ARHGAP32: variants seen among roughly 807,000 people sequenced by gnomAD.
ARHGAP32 encodes the protein rho GTPase-activating protein 32.
A neutral mutation model predicts 186.5 loss-of-function variants in ARHGAP32; 51 were observed. The observed-to-expected ratio is 0.27, with a 90% confidence interval of 0.22 to 0.35. The LOEUF (loss-of-function observed/expected upper bound fraction) is 0.35. Ranked by LOEUF, ARHGAP32 falls within the 10% of genes least tolerant of loss-of-function variation. ARHGAP32 has a pLI of 1.00. For synonymous variants in ARHGAP32, 950 were observed against 964.3 expected (o/e 0.99, Z 0.27); for missense variants, 2,186 against 2,623.5 (o/e 0.83, Z 3.64).
chr11:129,229,472 T>C (rs1332811306), intron 1 of ARHGAP32, among the ~76,000 whole-genome samples: 2 of 152,194 alleles, frequency 1.3e-5, no homozygotes, highest in Non-Finnish European at 2.9e-5. Context: ...ACTCGCTCAA[T>C]TATCAAATGC....
rs754604518 is a variant in ARHGAP32, at chr11:129,243,233, A to G, written c.-5+35913T>C. 9.2e-5 allele frequency among the ~76,000 whole-genome samples: 14 copies of G among 152,178 alleles called. 1 individual carries two copies. The highest frequency in any genetic ancestry group is 1.8e-4 in the Non-Finnish European group (12 of 68,034). On this transcript the variant is annotated intron_variant, in intron 1 of 6. Coordinates refer to the ARHGAP32 transcript ENST00000525234. Reference sequence around the variant, plus strand: ...CCAAGTCCCTCAGGTTTAAAACCCAAGAGCTAGTTTTAACTTCCACCTCTC... The same window carrying G: ...CCAAGTCCCTCAGGTTTAAAACCCAGGAGCTAGTTTTAACTTCCACCTCTC...
At chr11:128,975,427 TG>T (rs902294123) in intron 20 of ARHGAP32, among the ~76,000 whole-genome samples, 35 of 152,322 alleles carry the variant, frequency 2.3e-4, no homozygotes, top group African/African-American at 6.5e-4. Context: ...GCAAAATGGA[TG>T]TTTTTTTTGT....
At position 129,096,936 on chromosome 11, in the gene ARHGAP32, C is replaced by T. The variant is rs1004540082; in HGVS notation, c.445-3229G>A. Among the ~76,000 whole-genome samples the T allele has an allele frequency of 2.0e-5, 3 of 152,274 alleles. No homozygotes were observed. In the South Asian group the frequency reaches 6.2e-4, roughly 32 times the overall value. The stretch of plus-strand genomic sequence containing the variant: ...GACTGCACACTCTCAGAGAAAGGTA[C>T]AGACTTAGGAAAGACAAAAGAAGAC... On this transcript the variant is annotated intron_variant, in intron 5 of 22. Coordinates refer to ENST00000682385, the MANE Select transcript of ARHGAP32 (RefSeq NM_001378024.1).
In ARHGAP32 at chr11:128,969,701, C is replaced by G. The variant is rs374118812; in HGVS notation, c.5512G>C (p.Glu1838Gln). The change falls in exon 23 of 23, where the codon GAG (glutamate) becomes CAG (glutamine). Residue 1838 changes from glutamate (E) to glutamine (Q), a missense_variant. Around this residue, in one of 5 missense-constraint regions of ARHGAP32, gnomAD observed 1,502 missense variants for 1,570.0 expected, o/e 0.96. Transcript: ENST00000682385. The surrounding 1 kb of genome is among the most constrained non-coding windows in gnomAD (Gnocchi z 4.8). The part of the protein sequence containing the change: ...HAAKAISPEG[E>Q]DRFYRRHPEA... ...GGATGCCTCCTATAGAAGCGGTCCT[C>G]TCCCTCGGGACTGATGGCCTTGGCT... 1.2e-6 allele frequency: 2 copies of G among 1,614,070 alleles called. No individual in the cohort carries two copies. Among genetic ancestry groups the G allele is most frequent in the Non-Finnish European group, 1.7e-6 (2 of 1,180,036 alleles).
At chr11:129,164,269 T>TC in intron 2 of ARHGAP32, 50 bp downstream of exon 2, 2 of 1,099,004 alleles carry the variant, frequency 1.8e-6, no homozygotes, top group Non-Finnish European at 2.6e-6. Flanking sequence ...ATATAAGTGC[T>TC]ATATATACAT....
chr11:129,158,183 C>CAGGAT (rs1943453185), intron 2 of ARHGAP32, among the ~76,000 whole-genome samples: 1 of 152,028 alleles, frequency 6.6e-6, no homozygotes, highest in Non-Finnish European at 1.5e-5. Context: ...GGCAAAATAA[C>CAGGAT]CAGCTAGCAT....
At chr11:129,198,828 T>A (rs2135572026) in intron 1 of ARHGAP32, among the ~76,000 whole-genome samples, 1 of 152,148 alleles carries the variant, frequency 6.6e-6, no homozygotes, top group South Asian at 2.1e-4. Flanking sequence ...GCTGAAACAG[T>A]TTGGAGGACT....
At chr11:129,278,103 CA>C (rs1345471573) in intron 1 of ARHGAP32, among the ~76,000 whole-genome samples, 1 of 152,184 alleles carries the variant, frequency 6.6e-6, no homozygotes, top group Non-Finnish European at 1.5e-5. Flanking sequence ...ACAATGTTTA[CA>C]AAAGCAACCA....
intron 1 of ARHGAP32, among the ~76,000 whole-genome samples, chr11:129,198,136 T>C (rs1158165904): frequency 6.6e-6 from 1 of 152,222 alleles, no homozygotes; most frequent in East Asian, 1.9e-4. Flanking sequence ...GAGATCTAAC[T>C]TTCAACTGTT....
At chr11:128,981,749 G>T in intron 16 of ARHGAP32, 80 bp downstream of exon 16, 1 of 1,253,544 alleles carries the variant, frequency 8.0e-7, no homozygotes, top group Non-Finnish European at 1.1e-6. Context: ...TCTTTTAAAA[G>T]TTTCCTTAAA....
At chr11:129,134,753 G>T (rs1356652053) in intron 2 of ARHGAP32, among the ~76,000 whole-genome samples, 3 of 152,144 alleles carry the variant, frequency 2.0e-5, no homozygotes, top group Non-Finnish European at 4.4e-5. Context: ...ATTACATCAT[G>T]ATGGCTCTGC....
chr11:129,020,335 T>C (rs1938541563), intron 11 of ARHGAP32, among the ~76,000 whole-genome samples: 2 of 152,150 alleles, frequency 1.3e-5, no homozygotes. Context: ...GAATGCTTAG[T>C]AGTAATAAGG....
intron 10 of ARHGAP32, among the ~76,000 whole-genome samples, chr11:129,062,036 C>G (rs1370236057): frequency 6.6e-6 from 1 of 152,112 alleles, no homozygotes; most frequent in Non-Finnish European, 1.5e-5. Context: ...GCCATGAGGT[C>G]TGAGATGCTA....
At chr11:129,081,551 C>A (rs1202568092) in intron 6 of ARHGAP32, among the ~76,000 whole-genome samples, 4 of 151,910 alleles carry the variant, frequency 2.6e-5, no homozygotes, top group Non-Finnish European at 5.9e-5. Flanking sequence ...TTGACAAAAT[C>A]CAGCATTGCT....
intron 6 of ARHGAP32, among the ~76,000 whole-genome samples, chr11:129,086,655 A>G (rs1941409437): frequency 6.6e-6 from 1 of 152,062 alleles, no homozygotes. Context: ...CCCTGTCTCT[A>G]CTAAAAATAC....
At chr11:129,036,792 CCCT>C (rs1274969347) in intron 11 of ARHGAP32, among the ~76,000 whole-genome samples, 18 of 152,224 alleles carry the variant, frequency 1.2e-4, no homozygotes, top group African/African-American at 3.9e-4. Flanking sequence ...AGATGATTTC[CCCT>C]AAAATCAGGA....
intron 2 of ARHGAP32, among the ~76,000 whole-genome samples, chr11:129,142,320 G>C (rs753514415): frequency 3.9e-5 from 6 of 152,122 alleles, no homozygotes; most frequent in Non-Finnish European, 8.8e-5. Flanking sequence ...TCCTACAGTA[G>C]AGAACAGAGC....
At position 129,010,081 on chromosome 11, in the gene ARHGAP32, G is replaced by T. The variant is rs1459489332; in HGVS notation, c.1046-11613C>A. Reference sequence around the variant, plus strand: ...TCTCTAACGACCAGTGTTGTTTGTTGGCAGGATGAGTGTCTTCTTTTGAGA... The same window carrying T: ...TCTCTAACGACCAGTGTTGTTTGTTTGCAGGATGAGTGTCTTCTTTTGAGA... On this transcript the variant is annotated intron_variant, in intron 11 of 22. Coordinates refer to ENST00000682385, the MANE Select transcript of ARHGAP32 (RefSeq NM_001378024.1). Among the ~76,000 whole-genome samples the T allele has an allele frequency of 4.6e-5, 7 of 152,034 alleles. No homozygotes were observed. The South Asian group carries it at 1.5e-3, about 32-fold the overall frequency.
chr11:129,141,840 G>A (rs1414326091), intron 2 of ARHGAP32, among the ~76,000 whole-genome samples: 1 of 150,910 alleles, frequency 6.6e-6, no homozygotes, highest in Non-Finnish European at 1.5e-5. Context: ...ACAAGGGAAA[G>A]GGCAAAAGAG....
Sources: gnomAD v4.1 joint callset for allele counts (sites outside exome capture counted in the v4.1 genomes callset) on GRCh38, gnomAD v4.1.1 for gene constraint, gnomAD v4.1.1 regional missense constraint, Gnocchi (gnomAD v3.1) non-coding constraint, MANE v1.5 for transcripts, NCBI Gene and HGNC (gene_info 2026-07-23, HGNC 2026-07-21) for gene names.